The following SLC24A2 variants were observed in gnomAD, a reference collection of about 807,000 sequenced individuals.
SLC24A2 encodes solute carrier family 24 member 2, also known as sodium/potassium/calcium exchanger 2.
Under a neutral mutation model 62.0 loss-of-function variants are expected in SLC24A2, and 36 were observed. The ratio of observed to expected loss-of-function variants is 0.58; its 90% CI spans 0.44 to 0.77. SLC24A2 has a LOEUF of 0.77. Among genes scored for constraint, SLC24A2 ranks in the 30% least tolerant of loss-of-function variants. The probability of loss-of-function intolerance (pLI) is 0.00; values close to 1 mark genes in which losing one functional copy is unlikely to be tolerated. For synonymous variants in SLC24A2, 358 were observed against 294.0 expected, an observed-to-expected ratio of 1.22 and a Z score of -2.23; for missense variants, 846 against 817.9, an observed-to-expected ratio of 1.03 and a Z score of -0.42.
the SLC24A2 span, among the ~76,000 whole-genome samples, chr9:20,058,289 C>T: frequency 6.6e-6 from 1 of 152,056 alleles, no homozygotes; most frequent in South Asian, 2.1e-4. Flanking sequence ...TAAAGATGAA[C>T]CAACAAATTT....
At chr9:20,273,908 A>C in the SLC24A2 span, among the ~76,000 whole-genome samples, 5 of 152,216 alleles carry the variant, frequency 3.3e-5, no homozygotes, top group African/African-American at 1.2e-4. Context: ...CATGTTAGAT[A>C]CAATTTAAAT....
the SLC24A2 span, among the ~76,000 whole-genome samples, chr9:19,970,050 A>T: frequency 6.6e-6 from 1 of 152,168 alleles, no homozygotes; most frequent in Non-Finnish European, 1.5e-5. Context: ...ACCTGACCTT[A>T]TTCAGCACAA....
At chr9:19,662,234 A>C (rs1393520493) in intron 2 of SLC24A2, among the ~76,000 whole-genome samples, 1 of 152,252 alleles carries the variant, frequency 6.6e-6, no homozygotes, top group Non-Finnish European at 1.5e-5. Context: ...TTCAACATGT[A>C]ATCAATAGAA....
chr9:19,856,965 A>T, the SLC24A2 span, among the ~76,000 whole-genome samples: 1 of 152,220 alleles, frequency 6.6e-6, no homozygotes, highest in Admixed American at 6.5e-5. Flanking sequence ...ATGTGGGCAT[A>T]TTTAAACATT....
chr9:19,528,801 C>T (rs181837859), intron 8 of SLC24A2, among the ~76,000 whole-genome samples: 2 of 152,274 alleles, frequency 1.3e-5, no homozygotes, highest in African/African-American at 2.4e-5. Context: ...GTACTGATTT[C>T]CACTGAGATG....
At chr9:20,018,486 C>T in the SLC24A2 span, among the ~76,000 whole-genome samples, 2 of 152,162 alleles carry the variant, frequency 1.3e-5, no homozygotes, top group Admixed American at 1.3e-4. Flanking sequence ...ACCTCCCATG[C>T]TGTTGCTTCT....
the SLC24A2 span, among the ~76,000 whole-genome samples, chr9:19,864,742 G>T: frequency 6.6e-6 from 1 of 151,994 alleles, no homozygotes; most frequent in African/African-American, 2.4e-5. Context: ...TATTGAATGG[G>T]GATAAACTGA....
intron 7 of SLC24A2, among the ~76,000 whole-genome samples, chr9:19,557,059 G>C (rs781451190): frequency 1.2e-4 from 19 of 152,252 alleles, no homozygotes; most frequent in Admixed American, 3.3e-4. Flanking sequence ...TTGATGGGTA[G>C]GGAACCTGAG....
the SLC24A2 span, among the ~76,000 whole-genome samples, chr9:19,812,376 C>T: frequency 1.3e-5 from 2 of 152,114 alleles, no homozygotes; most frequent in African/African-American, 4.8e-5. Flanking sequence ...TCTCTTAGTG[C>T]ATCACTCTAG....
the SLC24A2 span, among the ~76,000 whole-genome samples, chr9:20,139,056 T>G: frequency 3.3e-5 from 5 of 152,334 alleles, no homozygotes; most frequent in East Asian, 9.6e-4. Context: ...ATTGTGTAAA[T>G]TAATTCACTT....
In SLC24A2 at chr9:19,636,315, T is replaced by TTTCTTTCTTTC. The variant is rs1554690361; in HGVS notation, c.931-14017_931-14016insGAAAGAAAGAA. On this transcript the variant is annotated intron_variant, in intron 2 of 10. Transcript: ENST00000341998. ...TTTTCTTTTCTTTTCTTTTCTTTTC[T>TTTCTTTCTTTC]TTTCTTTCTTTCTTTCTTTCTTTCT... Among the ~76,000 whole-genome samples, 157 of 40,284 alleles carry TTTCTTTCTTTC rather than the reference T, an allele frequency of 3.9e-3. 12 individuals carry two copies. The highest frequency in any genetic ancestry group is 0.013 in the East Asian group (17 of 1,316). 26.4% of individuals were successfully genotyped at this position (40,284 alleles called of 152,430 possible).
At chr9:20,069,223 GA>G in the SLC24A2 span, among the ~76,000 whole-genome samples, 1 of 152,106 alleles carries the variant, frequency 6.6e-6, no homozygotes, top group African/African-American at 2.4e-5. Context: ...CTTAGTAAGG[GA>G]TGCTTTCATA....
chr9:20,180,797 A>G, the SLC24A2 span, among the ~76,000 whole-genome samples: 1 of 152,222 alleles, frequency 6.6e-6, no homozygotes, highest in African/African-American at 2.4e-5. Flanking sequence ...ATTCCTTAAC[A>G]CAGAAGAGAA....
At chr9:19,524,137 CAAAAAAAAAAA>C (rs57173482) in intron 9 of SLC24A2, among the ~76,000 whole-genome samples, 4 of 84,712 alleles carry the variant, frequency 4.7e-5, no homozygotes, top group South Asian at 5.7e-4. Context: ...ACTTCATTTT[CAAAAAAAAAAA>C]AAAAAAAAAA....
At chr9:19,546,735 GA>G (rs796896456) in intron 8 of SLC24A2, among the ~76,000 whole-genome samples, 2,574 of 144,092 alleles carry the variant, frequency 0.018, 82 homozygotes, top group African/African-American at 0.064. Flanking sequence ...TGAGGTATGG[GA>G]AAAAAAAAAA....
chr9:19,561,360 G>A (rs914290782), intron 7 of SLC24A2, among the ~76,000 whole-genome samples: 11 of 151,936 alleles, frequency 7.2e-5, no homozygotes, highest in Non-Finnish European at 1.5e-4. Flanking sequence ...GGAAGGCAAT[G>A]CCATCTGAAA....
intron 7 of SLC24A2, among the ~76,000 whole-genome samples, chr9:19,571,298 G>A (rs1387429483): frequency 6.6e-6 from 1 of 152,202 alleles, no homozygotes; most frequent in Non-Finnish European, 1.5e-5. Flanking sequence ...AAGGGCAGAA[G>A]GAGTGGCAGG....
chr9:20,215,154 C>A, the SLC24A2 span, among the ~76,000 whole-genome samples: 1 of 152,186 alleles, frequency 6.6e-6, no homozygotes, highest in Non-Finnish European at 1.5e-5. Flanking sequence ...ATAGATGGTG[C>A]CTTCTCACTG....
At chr9:20,054,600 G>A in the SLC24A2 span, among the ~76,000 whole-genome samples, 15,914 of 152,078 alleles carry the variant, frequency 0.1, 828 homozygotes, top group East Asian at 0.17. Flanking sequence ...CTTCCCTCCT[G>A]AGTTTTCAAA....
Sources: allele counts gnomAD v4.1 joint callset (sites outside exome capture counted in the v4.1 genomes callset), GRCh38; gene constraint gnomAD v4.1.1; transcripts MANE v1.5; gene names NCBI Gene and HGNC (gene_info 2026-07-23, HGNC 2026-07-21).